The following TRPM3 variants were observed in gnomAD, a reference collection of about 807,000 sequenced individuals.
TRPM3 encodes long transient receptor potential channel 3.
Under a neutral mutation model 181.2 loss-of-function variants are expected in TRPM3, and 77 were observed. The observed-to-expected ratio is 0.42, with a 90% CI of 0.35 to 0.51. The LOEUF (loss-of-function observed/expected upper bound fraction) is 0.51, where lower values mean the gene tolerates loss of function less well. TRPM3 is among the 20% of genes least tolerant of loss of function. The pLI, the probability that TRPM3 is intolerant of heterozygous loss-of-function variation, is 0.01. For missense variants in TRPM3, 1,759 were observed against 2,196.7 expected (o/e 0.80, Z 3.98); for synonymous variants, 745 against 796.4 (o/e 0.94, Z 1.09).
chr9:70,749,436 C>G (rs987365434), intron 8 of TRPM3, among the ~76,000 whole-genome samples: 2 of 152,094 alleles, frequency 1.3e-5, no homozygotes, highest in Non-Finnish European at 2.9e-5. Context: ...GATTAGAAAG[C>G]TATTTTTTTT....
At chr9:70,830,803 G>A (rs1440316330) in intron 5 of TRPM3, among the ~76,000 whole-genome samples, 1 of 152,152 alleles carries the variant, frequency 6.6e-6, no homozygotes, top group Non-Finnish European at 1.5e-5. Flanking sequence ...GATTAGTTGA[G>A]ATTATATGTG....
At chr9:71,093,710 C>G (rs2066630801) in intron 1 of TRPM3, among the ~76,000 whole-genome samples, 2 of 152,054 alleles carry the variant, frequency 1.3e-5, no homozygotes, top group African/African-American at 4.8e-5. Context: ...CCAGAAATAC[C>G]ATTTGACCCA....
intron 1 of TRPM3, among the ~76,000 whole-genome samples, chr9:71,249,710 C>G (rs912726859): frequency 2.0e-5 from 3 of 152,086 alleles, no homozygotes; most frequent in African/African-American, 7.2e-5. Context: ...AAATATTTTT[C>G]AAAGGAATGT....
chr9:70,548,563 C>T (rs938453415), intron 25 of TRPM3, among the ~76,000 whole-genome samples: 2 of 152,222 alleles, frequency 1.3e-5, no homozygotes, highest in Non-Finnish European at 2.9e-5. Flanking sequence ...CTGAGCCATT[C>T]TGACTAAAGT....
In TRPM3 at chr9:70,689,302, A is replaced by T. The variant is rs2067834245; in HGVS notation, c.1273-7724T>A. Among the ~76,000 whole-genome samples, 12 of 152,300 alleles carry T rather than the reference A, an allele frequency of 7.9e-5. No individual in the cohort carries two copies. In the South Asian group the frequency reaches 2.5e-3, roughly 32 times the overall value. On this transcript the variant is annotated intron_variant, in intron 8 of 25. Coordinates refer to ENST00000677713, the MANE Select transcript of TRPM3 (RefSeq NM_001366145.2). ...GCTATTATTTAAAACTATTTAAAAG[A>T]CAACTGACTTTTATAACAATAATAA...
chr9:71,195,204 C>T (rs531862406), intron 1 of TRPM3, among the ~76,000 whole-genome samples: 1 of 152,106 alleles, frequency 6.6e-6, no homozygotes, highest in African/African-American at 2.4e-5. Flanking sequence ...AAGAAACTAT[C>T]GACAGAGTGA....
chr9:70,764,607 A>G (rs2078748033), intron 7 of TRPM3, among the ~76,000 whole-genome samples: 1 of 152,158 alleles, frequency 6.6e-6, no homozygotes, highest in Admixed American at 6.6e-5. Context: ...CCAATTTCCC[A>G]GTTGCTGAAG....
At chr9:70,999,105 G>T (rs1252403798) in intron 1 of TRPM3, among the ~76,000 whole-genome samples, 1 of 152,090 alleles carries the variant, frequency 6.6e-6, no homozygotes, top group Non-Finnish European at 1.5e-5. Flanking sequence ...AGTTCCAGTT[G>T]CCTTTCATAG....
chr9:70,645,339 T>A (rs2058669118), intron 9 of TRPM3, among the ~76,000 whole-genome samples: 1 of 152,022 alleles, frequency 6.6e-6, no homozygotes, highest in Non-Finnish European at 1.5e-5. Flanking sequence ...CAAAACAGCA[T>A]GGCACTGGTA....
At chr9:70,822,667 G>A (rs79103906) in intron 6 of TRPM3, among the ~76,000 whole-genome samples, 2,045 of 152,076 alleles carry the variant, frequency 0.013, 46 homozygotes, top group African/African-American at 0.046. Flanking sequence ...TATATTTAAG[G>A]AAACTGAATT....
chr9:71,283,885 G>A (rs561691634), intron 1 of TRPM3, among the ~76,000 whole-genome samples: 3 of 152,310 alleles, frequency 2.0e-5, no homozygotes, highest in South Asian at 2.1e-4. Context: ...TCTTCTGAGA[G>A]TTATGTTTCA....
intron 1 of TRPM3, among the ~76,000 whole-genome samples, chr9:70,874,234 G>C (rs2095836925): frequency 6.6e-6 from 1 of 151,704 alleles, no homozygotes; most frequent in Non-Finnish European, 1.5e-5. Flanking sequence ...CTGTTTCTTT[G>C]GAAATTTGTT....
At chr9:70,866,805 C>T (rs1384971746) in intron 1 of TRPM3, among the ~76,000 whole-genome samples, 1 of 151,956 alleles carries the variant, frequency 6.6e-6, no homozygotes, top group Non-Finnish European at 1.5e-5. Context: ...AGATAAAGCA[C>T]CTGGCTTTAT....
chr9:70,916,958 T>C (rs1187291837), intron 1 of TRPM3: 1 of 1,419,958 alleles, frequency 7.0e-7, no homozygotes. Flanking sequence ...GGCTTAGGCT[T>C]TCTAGTGAAC....
chr9:70,658,789 C>T (rs955798193), intron 9 of TRPM3, among the ~76,000 whole-genome samples: 3 of 151,862 alleles, frequency 2.0e-5, no homozygotes, highest in Non-Finnish European at 4.4e-5. Flanking sequence ...GAGATTGTGA[C>T]ATCAGAATAG....
chr9:71,089,442 T>C (rs1001763249), intron 1 of TRPM3, among the ~76,000 whole-genome samples: 1 of 151,904 alleles, frequency 6.6e-6, no homozygotes. Context: ...ACTGTGTCTA[T>C]ATTATCTGTA....
chr9:70,906,221 T>TA (rs559067174), intron 1 of TRPM3, among the ~76,000 whole-genome samples: 2,423 of 148,640 alleles, frequency 0.016, 31 homozygotes, highest in Middle Eastern at 0.067. Flanking sequence ...TTCCTATTGT[T>TA]AAAAAAAAAA....
chr9:71,221,729 C>T (rs565099125), intron 1 of TRPM3, among the ~76,000 whole-genome samples: 28 of 152,272 alleles, frequency 1.8e-4, no homozygotes, highest in African/African-American at 6.5e-4. Context: ...CGGGACTAAA[C>T]ACAGGCCAAT....
chr9:71,007,851 TG>T lies in TRPM3; in HGVS notation c.177+113326del, dbSNP rs578232947. ...ATAGGGAGATAAATACACAACCTAA[TG>T]TTATGCCTCAAGGAAGTAGAAATGT... On this transcript the variant is annotated intron_variant, in intron 1 of 25. Transcript: ENST00000677713. Among the ~76,000 whole-genome samples the T allele has an allele frequency of 6.6e-5, 10 of 152,124 alleles. No individual in the cohort carries two copies. In the East Asian group the frequency reaches 1.9e-3, roughly 29 times the overall value.
Sources: gnomAD v4.1 joint callset for allele counts (sites outside exome capture counted in the v4.1 genomes callset) on GRCh38, gnomAD v4.1.1 for gene constraint, MANE v1.5 for transcripts, NCBI Gene and HGNC (gene_info 2026-07-23, HGNC 2026-07-21) for gene names.